The following PRKN variants were observed in gnomAD, a reference collection of about 807,000 sequenced individuals.
The protein encoded by PRKN is parkin RBR E3 ubiquitin protein ligase, also known as E3 ubiquitin-protein ligase parkin.
A neutral mutation model predicts 59.5 loss-of-function variants in PRKN; 56 were observed. The ratio of observed to expected loss-of-function variants is 0.94; its 90% confidence interval spans 0.76 to 1.18. The LOEUF is 1.18. PRKN is among the 50% of genes most tolerant of loss of function. The probability of loss-of-function intolerance (pLI) is 0.00; values close to 1 mark genes in which losing one functional copy is unlikely to be tolerated. For missense variants in PRKN, 657 were observed against 596.4 expected, an observed-to-expected ratio of 1.10 and a Z score of -1.06; for synonymous variants, 250 against 222.1, an observed-to-expected ratio of 1.13 and a Z score of -1.12.
intron 1 of PRKN, among the ~76,000 whole-genome samples, chr6:162,545,828 A>C (rs1213221176): frequency 6.6e-6 from 1 of 152,136 alleles, no homozygotes; most frequent in Non-Finnish European, 1.5e-5. Flanking sequence ...TTCTCCTCCG[A>C]ATTGGTAATT....
intron 6 of PRKN, among the ~76,000 whole-genome samples, chr6:161,813,161 T>A (rs1394713389): frequency 6.6e-6 from 1 of 152,190 alleles, no homozygotes; most frequent in Admixed American, 6.5e-5. Context: ...CTGTTTTAAC[T>A]GACAGGAAGA....
chr6:161,630,247 A>G (rs1783249583), intron 7 of PRKN, among the ~76,000 whole-genome samples: 1 of 152,126 alleles, frequency 6.6e-6, no homozygotes. Context: ...AACACCTACC[A>G]TCTACCCAAG....
chr6:161,794,372 C>T lies in PRKN; in HGVS notation c.735-8464G>A, dbSNP rs529721754. On this transcript the variant is annotated intron_variant, in intron 6 of 11. Transcript: ENST00000366898. ...ATGGATTAGGTCTCATGAGTGTTGG[C>T]GGAGTCTGAATTCTCACGAGCGTCT... is the stretch of plus-strand genomic sequence containing the variant. 3.3e-5 allele frequency among the ~76,000 whole-genome samples: 5 copies of T among 152,160 alleles called. No homozygotes were observed. The South Asian group carries it at 8.3e-4, about 25-fold the overall frequency.
chr6:162,295,865 A>G (rs1781649562), intron 2 of PRKN, among the ~76,000 whole-genome samples: 1 of 152,162 alleles, frequency 6.6e-6, no homozygotes, highest in Admixed American at 6.5e-5. Context: ...ACAGGCAGGG[A>G]CACCATCTGA....
intron 2 of PRKN, among the ~76,000 whole-genome samples, chr6:162,367,104 T>C (rs895587362): frequency 2.0e-5 from 3 of 152,130 alleles, no homozygotes; most frequent in Non-Finnish European, 4.4e-5. Flanking sequence ...CCATGCCTGC[T>C]GTTCTCATGA....
chr6:161,524,943 A>G (rs1415303063), intron 9 of PRKN, among the ~76,000 whole-genome samples: 4 of 152,152 alleles, frequency 2.6e-5, no homozygotes, highest in Non-Finnish European at 5.9e-5. Flanking sequence ...GATGTAGGAG[A>G]TCACAGGAAA....
intron 3 of PRKN, among the ~76,000 whole-genome samples, chr6:162,221,428 T>C (rs537022586): frequency 3.9e-5 from 6 of 152,314 alleles, no homozygotes; most frequent in African/African-American, 1.2e-4. Context: ...GAAGCCCTGG[T>C]TTCTCACTTT....
chr6:162,615,376 C>G (rs1243090212), intron 1 of PRKN, among the ~76,000 whole-genome samples: 1 of 152,110 alleles, frequency 6.6e-6, no homozygotes, highest in South Asian at 2.1e-4. Context: ...CAGCTATATA[C>G]TCAGCAGTAT....
chr6:162,195,682 T>TA (rs144887696), intron 4 of PRKN, among the ~76,000 whole-genome samples: 1,646 of 152,238 alleles, frequency 0.011, 27 homozygotes, highest in African/African-American at 0.037. Context: ...ATAAAGTAAT[T>TA]ACGGTGATTG....
chr6:161,766,849 G>A (rs899726062), intron 7 of PRKN, among the ~76,000 whole-genome samples: 7 of 152,178 alleles, frequency 4.6e-5, no homozygotes, highest in African/African-American at 1.7e-4. Flanking sequence ...CATGAAAGAG[G>A]TTTTGTGAAT....
At chr6:162,249,426 C>T (rs944824493) in intron 3 of PRKN, among the ~76,000 whole-genome samples, 4 of 152,102 alleles carry the variant, frequency 2.6e-5, no homozygotes, top group South Asian at 2.1e-4. Flanking sequence ...CACGCTAGTC[C>T]GGAAAACTGA....
At chr6:162,612,055 T>C (rs567124166) in intron 1 of PRKN, among the ~76,000 whole-genome samples, 39 of 147,992 alleles carry the variant, frequency 2.6e-4, no homozygotes, top group Middle Eastern at 3.6e-3. Context: ...TAGCTGGGCG[T>C]GGTGGCGGGC....
chr6:161,865,919 ATC>A (rs1455700810), intron 6 of PRKN, among the ~76,000 whole-genome samples: 1 of 152,204 alleles, frequency 6.6e-6, no homozygotes, highest in Non-Finnish European at 1.5e-5. Context: ...TTTTTGGCCT[ATC>A]TCAGCTTTCA....
At chr6:162,364,250 C>A (rs1031599423) in intron 2 of PRKN, among the ~76,000 whole-genome samples, 1 of 152,164 alleles carries the variant, frequency 6.6e-6, no homozygotes, top group African/African-American at 2.4e-5. Context: ...AATATTTCAC[C>A]AATGCATTGC....
chr6:162,034,182 T>G (rs1168070085), intron 5 of PRKN, among the ~76,000 whole-genome samples: 163 of 121,550 alleles, frequency 1.3e-3, no homozygotes, highest in African/African-American at 3.6e-3. Context: ...TATATATATA[T>G]ATATAGAGAG....
At chr6:162,160,289 C>A (rs1454450284) in intron 4 of PRKN, among the ~76,000 whole-genome samples, 3 of 152,080 alleles carry the variant, frequency 2.0e-5, no homozygotes, top group African/African-American at 7.2e-5. Context: ...TGGCAAATAA[C>A]AACAATCACT....
chr6:162,310,914 T>G (rs1782481104), intron 2 of PRKN, among the ~76,000 whole-genome samples: 1 of 152,050 alleles, frequency 6.6e-6, no homozygotes, highest in Non-Finnish European at 1.5e-5. Flanking sequence ...GTGTCCATAT[T>G]ATTACATAAT....
intron 7 of PRKN, among the ~76,000 whole-genome samples, chr6:161,657,800 T>C (rs969339634): frequency 2.0e-5 from 3 of 151,404 alleles, no homozygotes; most frequent in Non-Finnish European, 2.9e-5. Flanking sequence ...CCGTGGTGGG[T>C]GAATCACTTT....
chr6:162,014,245 C>T (rs1782847121), intron 5 of PRKN, among the ~76,000 whole-genome samples: 3 of 152,198 alleles, frequency 2.0e-5, no homozygotes, highest in Admixed American at 2.0e-4. Flanking sequence ...GGAGCATGGG[C>T]AGTTGAGCAA....
Sources: gnomAD v4.1 joint callset for allele counts (sites outside exome capture counted in the v4.1 genomes callset) on GRCh38, gnomAD v4.1.1 for gene constraint, MANE v1.5 for transcripts, NCBI Gene and HGNC (gene_info 2026-07-23, HGNC 2026-07-21) for gene names.